RBFOX1: variants seen among roughly 807,000 people sequenced by gnomAD.
The protein encoded by RBFOX1 is RNA binding protein fox-1 homolog 1.
Under a neutral mutation model 57.7 loss-of-function variants are expected in RBFOX1, and 8 were observed. That is an observed-to-expected ratio of 0.14 (90% CI 0.08 to 0.25). The LOEUF (loss-of-function observed/expected upper bound fraction) is 0.25. RBFOX1 is among the 10% of genes least tolerant of loss of function. The pLI, the probability that RBFOX1 is intolerant of heterozygous loss-of-function variation, is 1.00. For missense variants in RBFOX1, 611 were observed against 548.5 expected, an observed-to-expected ratio of 1.11 and a Z score of -1.14; for synonymous variants, 326 against 222.4, an observed-to-expected ratio of 1.47 and a Z score of -4.15.
chr16:5,903,209 A>G (rs2058352378), intron 4 of RBFOX1, among the ~76,000 whole-genome samples: 1 of 152,134 alleles, frequency 6.6e-6, no homozygotes, highest in Non-Finnish European at 1.5e-5. Flanking sequence ...GTTTCAGAAG[A>G]CAGTCTCCTA....
intron 1 of RBFOX1, among the ~76,000 whole-genome samples, chr16:5,280,926 T>G (rs1446399135): frequency 1.4e-5 from 2 of 140,810 alleles, no homozygotes; most frequent in East Asian, 2.1e-4. Flanking sequence ...CTTTTTTGTC[T>G]CTGTTGCATT....
At chr16:6,555,792 G>A (rs1031754329) in intron 2 of RBFOX1, among the ~76,000 whole-genome samples, 1 of 152,116 alleles carries the variant, frequency 6.6e-6, no homozygotes, top group Non-Finnish European at 1.5e-5. Flanking sequence ...GTGTGTAGTT[G>A]CATTGACATT....
intron 2 of RBFOX1, among the ~76,000 whole-genome samples, chr16:5,532,914 G>C (rs765618269): frequency 1.3e-5 from 2 of 150,730 alleles, no homozygotes; most frequent in Non-Finnish European, 3.0e-5. Context: ...GCCTAGGGTG[G>C]AGATCTCACA....
intron 4 of RBFOX1, among the ~76,000 whole-genome samples, chr16:7,516,249 A>G (rs1201557377): frequency 6.6e-6 from 1 of 152,140 alleles, no homozygotes; most frequent in Non-Finnish European, 1.5e-5. Flanking sequence ...TCCCAGGGTG[A>G]CTGGGACTCA....
At chr16:6,504,338 C>T (rs796101976) in intron 2 of RBFOX1, among the ~76,000 whole-genome samples, 37 of 152,316 alleles carry the variant, frequency 2.4e-4, no homozygotes, top group African/African-American at 8.4e-4. Context: ...TTCCCCTGCC[C>T]TTCACCATCA....
At chr16:5,961,497 C>G (rs866881022) in intron 4 of RBFOX1, among the ~76,000 whole-genome samples, 3 of 151,608 alleles carry the variant, frequency 2.0e-5, no homozygotes, top group African/African-American at 7.3e-5. Context: ...CAAAACAAAA[C>G]AAAACAATAG....
chr16:6,317,189 T>C lies in RBFOX1; in HGVS notation c.-64+132T>C. On this transcript the variant is annotated intron_variant, in intron 2 of 15. Transcript: ENST00000550418. Reference sequence around the variant, plus strand: ...TTTGCTGCCTGCCTATGTCTTTCTCTTCTGCCCTATTGTATCAGAGATGAG... The same window carrying C: ...TTTGCTGCCTGCCTATGTCTTTCTCCTCTGCCCTATTGTATCAGAGATGAG... 4 of 812,450 alleles carry C rather than the reference T, an allele frequency of 4.9e-6. No individual in the cohort carries two copies. In the South Asian group the frequency reaches 7.0e-5, roughly 14 times the overall value. The allele number at this position is 812,450 out of a possible 1,614,324, so 50.3% of individuals were successfully genotyped here. A position where few individuals can be genotyped will look rare whatever the true frequency, so the allele number is the denominator to read the frequency against.
At chr16:5,371,661 G>C (rs1014293007) in intron 1 of RBFOX1, among the ~76,000 whole-genome samples, 1 of 152,164 alleles carries the variant, frequency 6.6e-6, no homozygotes, top group African/African-American at 2.4e-5. Flanking sequence ...GGCAATTCAC[G>C]CACTTCTCTT....
intron 2 of RBFOX1, among the ~76,000 whole-genome samples, chr16:6,574,236 G>C (rs2097389464): frequency 6.6e-6 from 1 of 151,896 alleles, no homozygotes; most frequent in African/African-American, 2.4e-5. Context: ...GTGGGCTCCA[G>C]CATACGGCTT....
At chr16:6,040,770 A>G (rs1025473473) in intron 1 of RBFOX1, among the ~76,000 whole-genome samples, 1 of 151,650 alleles carries the variant, frequency 6.6e-6, no homozygotes, top group Admixed American at 6.6e-5. Context: ...AATTTTTTGT[A>G]TTTTCAGTAG....
intron 4 of RBFOX1, among the ~76,000 whole-genome samples, chr16:7,120,830 T>TACAC (rs397836603): frequency 0.14 from 11,923 of 86,426 alleles, 726 homozygotes; most frequent in East Asian, 0.37. Context: ...TATGTATATA[T>TACAC]ACACACACAC....
intron 1 of RBFOX1, among the ~76,000 whole-genome samples, chr16:6,112,125 C>T (rs2096453599): frequency 1.3e-5 from 2 of 152,034 alleles, no homozygotes; most frequent in African/African-American, 4.8e-5. Context: ...TATTCCAGAC[C>T]AATTAGCTAG....
At chr16:6,984,696 A>G (rs2089829211) in intron 3 of RBFOX1, among the ~76,000 whole-genome samples, 1 of 152,036 alleles carries the variant, frequency 6.6e-6, no homozygotes, top group African/African-American at 2.4e-5. Context: ...GCTGGAGTGC[A>G]GTGGTGTGAT....
intron 10 of RBFOX1, among the ~76,000 whole-genome samples, chr16:7,608,414 G>C (rs1370611698): frequency 6.6e-6 from 1 of 152,192 alleles, no homozygotes; most frequent in African/African-American, 2.4e-5. Context: ...TGGATTTTAC[G>C]TAGGCGATGT....
At chr16:5,945,265 G>C (rs897260423) in intron 4 of RBFOX1, among the ~76,000 whole-genome samples, 12 of 152,176 alleles carry the variant, frequency 7.9e-5, no homozygotes, top group Non-Finnish European at 1.5e-4. Flanking sequence ...GTTTTAGCTA[G>C]CAGACACGAG....
At chr16:5,799,104 C>T (rs911106618) in intron 3 of RBFOX1, among the ~76,000 whole-genome samples, 4 of 152,230 alleles carry the variant, frequency 2.6e-5, no homozygotes, top group South Asian at 2.1e-4. Context: ...GGGGAGGCCT[C>T]ACAATCATGG....
At chr16:5,466,588 T>C (rs1018640408) in intron 1 of RBFOX1, among the ~76,000 whole-genome samples, 2 of 152,168 alleles carry the variant, frequency 1.3e-5, no homozygotes, top group African/African-American at 4.8e-5. Context: ...AAGAAAGAAA[T>C]GCTATCTTCC....
At chr16:6,630,986 G>A (rs2098378365) in intron 2 of RBFOX1, among the ~76,000 whole-genome samples, 1 of 152,102 alleles carries the variant, frequency 6.6e-6, no homozygotes, top group African/African-American at 2.4e-5. Context: ...GAGGGAAGGA[G>A]GCTATACTTG....
chr16:6,920,215 T>C (rs764346261), intron 3 of RBFOX1, among the ~76,000 whole-genome samples: 5 of 151,624 alleles, frequency 3.3e-5, no homozygotes, highest in African/African-American at 4.9e-5. Context: ...ATTTTTGCAA[T>C]TGCAAATTGT....
Sources: gnomAD v4.1 joint callset for allele counts (sites outside exome capture counted in the v4.1 genomes callset) on GRCh38, gnomAD v4.1.1 for gene constraint, MANE v1.5 for transcripts, NCBI Gene and HGNC (gene_info 2026-07-23, HGNC 2026-07-21) for gene names.